PBX1: variants seen among roughly 807,000 people sequenced by gnomAD.
PBX1 encodes pre-B-cell leukemia transcription factor 1.
A neutral mutation model predicts 53.4 loss-of-function variants in PBX1; 6 were observed. The ratio of observed to expected loss-of-function variants is 0.11; its 90% confidence interval spans 0.06 to 0.22. The LOEUF is 0.22. PBX1 is among the 10% of genes least tolerant of loss of function. The pLI, the probability that PBX1 is intolerant of heterozygous loss-of-function variation, is 1.00. For missense variants in PBX1, 251 were observed against 551.4 expected (o/e 0.46, Z 5.46); for synonymous variants, 204 against 212.3 (o/e 0.96, Z 0.34).
At chr1:164,781,435 A>T (rs1667929239) in intron 2 of PBX1, among the ~76,000 whole-genome samples, 1 of 152,154 alleles carries the variant, frequency 6.6e-6, no homozygotes, top group Non-Finnish European at 1.5e-5. Context: ...CCACTACAAG[A>T]TATAGATCAA....
chr1:164,766,041 C>T (rs1042654736), intron 2 of PBX1, among the ~76,000 whole-genome samples: 3 of 152,206 alleles, frequency 2.0e-5, no homozygotes, highest in Non-Finnish European at 4.4e-5. Flanking sequence ...GGGTAACTCT[C>T]ATTTGGCAAT....
intron 2 of PBX1, among the ~76,000 whole-genome samples, chr1:164,714,187 C>T (rs537961290): frequency 6.6e-6 from 1 of 152,170 alleles, no homozygotes; most frequent in African/African-American, 2.4e-5. Flanking sequence ...TCTAGATTCC[C>T]TGATTAACTC....
intron 2 of PBX1, among the ~76,000 whole-genome samples, chr1:164,582,445 G>A (rs945279541): frequency 2.0e-5 from 3 of 148,384 alleles, no homozygotes; most frequent in Non-Finnish European, 3.0e-5. Flanking sequence ...TTTTTGAGAC[G>A]GAGTTTCGCT....
chr1:164,621,301 AAC>A (rs1373045425), intron 2 of PBX1, among the ~76,000 whole-genome samples: 3 of 152,268 alleles, frequency 2.0e-5, no homozygotes, highest in Admixed American at 6.5e-5. Context: ...CTATTTTCTT[AAC>A]AGTCTTCCTT....
chr1:164,636,532 C>T (rs188492664), intron 2 of PBX1, among the ~76,000 whole-genome samples: 13 of 152,220 alleles, frequency 8.5e-5, no homozygotes, highest in East Asian at 7.7e-4. Flanking sequence ...TACTTGCTGA[C>T]GTAGTATTTC....
intron 2 of PBX1, among the ~76,000 whole-genome samples, chr1:164,714,081 T>C (rs1245301315): frequency 6.6e-6 from 1 of 152,246 alleles, no homozygotes; most frequent in Non-Finnish European, 1.5e-5. Context: ...AGTTTGTTTT[T>C]AAAGATCCAA....
chr1:164,808,505 A>T (rs902799815), intron 5 of PBX1, among the ~76,000 whole-genome samples: 1 of 152,216 alleles, frequency 6.6e-6, no homozygotes, highest in Non-Finnish European at 1.5e-5. Flanking sequence ...TGTCACATGC[A>T]GGAGAATTAA....
chr1:164,770,334 C>G (rs576555322), intron 2 of PBX1: 2 of 152,262 alleles, frequency 1.3e-5, no homozygotes, highest in African/African-American at 4.8e-5. Context: ...CACTTGAAAA[C>G]TAGGGCTCTT....
At chr1:164,721,443 G>T (rs982673277) in intron 2 of PBX1, among the ~76,000 whole-genome samples, 1 of 152,094 alleles carries the variant, frequency 6.6e-6, no homozygotes, top group Non-Finnish European at 1.5e-5. Context: ...GTGTGTGTGT[G>T]TGTGTGTATT....
At chr1:164,671,603 G>C (rs1274640879) in intron 2 of PBX1, among the ~76,000 whole-genome samples, 1 of 152,052 alleles carries the variant, frequency 6.6e-6, no homozygotes, top group African/African-American at 2.4e-5. Flanking sequence ...TATGATTTCT[G>C]AAAGGCTGTT....
chr1:164,741,585 A>G (rs1370779455), intron 2 of PBX1, among the ~76,000 whole-genome samples: 8 of 152,172 alleles, frequency 5.3e-5, no homozygotes, highest in African/African-American at 1.4e-4. Flanking sequence ...GAAGGTAGCT[A>G]ACCTTTTGTT....
chr1:164,573,440 C>T (rs1250487493), intron 2 of PBX1, among the ~76,000 whole-genome samples: 1 of 148,946 alleles, frequency 6.7e-6, no homozygotes, highest in Admixed American at 6.7e-5. Flanking sequence ...TGTGTCTATG[C>T]TGAGGCTTTG....
At chr1:164,579,336 T>C (rs1163366377) in intron 2 of PBX1, among the ~76,000 whole-genome samples, 1 of 138,264 alleles carries the variant, frequency 7.2e-6, no homozygotes, top group Non-Finnish European at 1.6e-5. Flanking sequence ...CATCTTTCAC[T>C]TTCATACCCT....
intron 2 of PBX1, among the ~76,000 whole-genome samples, chr1:164,718,394 G>A (rs1557963690): frequency 6.6e-6 from 1 of 152,158 alleles, no homozygotes. Flanking sequence ...GGAACTTTGA[G>A]GACATAACTC....
At chr1:164,722,069 T>A (rs1344389209) in intron 2 of PBX1, among the ~76,000 whole-genome samples, 1 of 152,182 alleles carries the variant, frequency 6.6e-6, no homozygotes, top group Non-Finnish European at 1.5e-5. Context: ...TCTTTACAGG[T>A]CCTGGCTCCT....
At chr1:164,734,587 T>C (rs927113175) in intron 2 of PBX1, among the ~76,000 whole-genome samples, 3 of 152,212 alleles carry the variant, frequency 2.0e-5, no homozygotes, top group Non-Finnish European at 4.4e-5. Context: ...GCCTGCTGTA[T>C]GTCACACATA....
intron 2 of PBX1, among the ~76,000 whole-genome samples, chr1:164,656,915 A>G (rs892834148): frequency 2.6e-5 from 4 of 152,198 alleles, no homozygotes; most frequent in Admixed American, 2.0e-4. Context: ...GTGAGTTTAT[A>G]CATGGGTTGA....
At chr1:164,702,877 A>G (rs1663204958) in intron 2 of PBX1, 1 of 151,962 alleles carries the variant, frequency 6.6e-6, no homozygotes, top group African/African-American at 2.4e-5. Context: ...TCATCATCTT[A>G]CTCTCATGGT....
At chr1:164,798,364 G>C (rs549152827) in intron 3 of PBX1, among the ~76,000 whole-genome samples, 5 of 152,234 alleles carry the variant, frequency 3.3e-5, no homozygotes, top group Non-Finnish European at 7.3e-5. Context: ...GCATCATCTT[G>C]CCTTTTTTGT....
Sources: allele counts gnomAD v4.1 joint callset (sites outside exome capture counted in the v4.1 genomes callset), GRCh38; gene constraint gnomAD v4.1.1; transcripts MANE v1.5; gene names NCBI Gene and HGNC (gene_info 2026-07-23, HGNC 2026-07-21).